Variants in OGFOD3 observed in about 807,000 individuals in gnomAD.
OGFOD3 encodes 2-oxoglutarate and iron-dependent oxygenase domain-containing protein 3.
In OGFOD3, 35 loss-of-function variants were observed where a neutral mutation model predicts 39.8. The observed-to-expected ratio is 0.88, with a 90% CI of 0.67 to 1.17. The LOEUF is 1.17. OGFOD3 is among the 50% of genes most tolerant of loss of function. OGFOD3 has a pLI of 0.00. For missense variants in OGFOD3, 438 were observed against 454.5 expected (o/e 0.96, Z 0.33); for synonymous variants, 200 against 192.0 (o/e 1.04, Z -0.34).
chr17:82,392,763 G>C lies in OGFOD3; in HGVS notation c.824-229C>G. 1 of 579,998 alleles carries C rather than the reference G, an allele frequency of 1.7e-6. No homozygotes were observed. The highest frequency in any genetic ancestry group is 3.0e-6 in the Non-Finnish European group (1 of 330,220). The allele number at this position is 579,998 out of a possible 1,614,324, so 35.9% of individuals were successfully genotyped here. A position where few individuals can be genotyped will look rare whatever the true frequency, so the allele number is the denominator to read the frequency against. On this transcript the variant is annotated intron_variant, in intron 8 of 8. Coordinates refer to ENST00000313056, the MANE Select transcript of OGFOD3 (RefSeq NM_024648.3). The surrounding 1 kb of genome is among the most constrained non-coding windows in gnomAD (Gnocchi z 4.2). ...GCGGAGGAGGGGCCCCCCGGGGCCA[G>C]CAGGGACTCTGTGGTGGGCAGGACA...
At chr17:82,401,634 T>C (rs1435453267) in intron 7 of OGFOD3, among the ~76,000 whole-genome samples, 1 of 150,144 alleles carries the variant, frequency 6.7e-6, no homozygotes, top group Non-Finnish European at 1.5e-5. Context: ...TGAAACCCCG[T>C]CTCTACTAAA....
Position 82,415,718 on chromosome 17 carries a change from G to C in OGFOD3, c.75-91C>G. 8.6e-7 allele frequency: 1 copy of C among 1,161,996 alleles called. No homozygotes were observed. Among genetic ancestry groups the C allele is most frequent in the Non-Finnish European group, 1.2e-6 (1 of 832,204 alleles). 72.0% of individuals were successfully genotyped at this position (1,161,996 alleles called of 1,614,324 possible). On this transcript the variant is annotated intron_variant, in intron 1 of 8. Coordinates refer to ENST00000313056, the MANE Select transcript of OGFOD3 (RefSeq NM_024648.3). This position sits in a 1 kb window ranked among gnomAD's most constrained non-coding sequence, Gnocchi z 5.3. ...CATCAAAGTGCATGCACCATGACCC[G>C]GCCTTCACTCACACGTCACCCCTGA...
At chr17:82,398,833 G>A (rs1030338509) in intron 7 of OGFOD3, among the ~76,000 whole-genome samples, 20 of 151,636 alleles carry the variant, frequency 1.3e-4, no homozygotes, top group Admixed American at 8.6e-4. Flanking sequence ...TCAGCATCCC[G>A]GGTAGCCAGG....
Position 82,406,012 on chromosome 17 carries a change from G to A in OGFOD3, c.488+406C>T, listed in dbSNP as rs1056532250. On this transcript the variant is annotated intron_variant, in intron 5 of 8. Transcript: ENST00000313056. This position sits in a 1 kb window ranked among gnomAD's most constrained non-coding sequence, Gnocchi z 5.2. ...GGAGCAAGACCCAGGGCTAATGCAT[G>A]AGGCTGACACGGATCCACGCAGGGA... Among the ~76,000 whole-genome samples the A allele has an allele frequency of 6.6e-6, 1 of 152,164 alleles. No homozygotes were observed. The highest frequency in any genetic ancestry group is 1.5e-5 in the Non-Finnish European group (1 of 68,016).
intron 8 of OGFOD3, among the ~76,000 whole-genome samples, chr17:82,395,453 C>T (rs7342899): frequency 1.0e-3 from 157 of 152,326 alleles, no homozygotes; most frequent in African/African-American, 3.6e-3. Flanking sequence ...GTCTTGGGAA[C>T]CCCCGAACAC....
At chr17:82,393,925 C>G (rs2052630600) in intron 8 of OGFOD3, 1 of 152,358 alleles carries the variant, frequency 6.6e-6, no homozygotes, top group Admixed American at 6.5e-5. Flanking sequence ...GGCAGGAAAC[C>G]ACCCACCATC....
intron 2 of OGFOD3, among the ~76,000 whole-genome samples, chr17:82,412,235 TGA>T (rs929130809): frequency 5.2e-4 from 79 of 151,984 alleles, no homozygotes; most frequent in African/African-American, 1.9e-3. Context: ...CTGCGGAGGC[TGA>T]GAGGGAAGAG....
chr17:82,394,146 C>A (rs563562446), intron 8 of OGFOD3, among the ~76,000 whole-genome samples: 2 of 151,994 alleles, frequency 1.3e-5, no homozygotes, highest in Admixed American at 6.6e-5. Context: ...CCCGCCACCA[C>A]GCCCAGCTAA....
At chr17:82,398,495 G>A (rs1195216115) in intron 7 of OGFOD3, among the ~76,000 whole-genome samples, 176 bp from the exon 8 acceptor site, 1 of 152,172 alleles carries the variant, frequency 6.6e-6, no homozygotes, top group Non-Finnish European at 1.5e-5. Context: ...CGCCTCCCAG[G>A]TTCAAGCAAT....
chr17:82,395,021 GT>G (rs1009716893), intron 8 of OGFOD3, among the ~76,000 whole-genome samples: 2 of 152,148 alleles, frequency 1.3e-5, no homozygotes, highest in African/African-American at 4.8e-5. Flanking sequence ...TTGCTGGATT[GT>G]TTTTTGTTTT....
At position 82,392,459 on chromosome 17, in the gene OGFOD3, G is replaced by A; in HGVS notation, c.899C>T (p.Ala300Val). 5 of 1,612,376 alleles carry A rather than the reference G, an allele frequency of 3.1e-6. No homozygotes were observed. Among genetic ancestry groups the A allele is most frequent in the South Asian group, 1.1e-5 (1 of 90,498 alleles). ...GTTGCAGCTGAAGGCGATGGTGATGGCGTAACGGGTGCCCCAGTGGACCTT... is the reference window on the plus strand; with the variant it reads ...GTTGCAGCTGAAGGCGATGGTGATGACGTAACGGGTGCCCCAGTGGACCTT... ...VEKVHWGTRYAITIAFSCNPD... is the reference protein window; with the variant it reads ...VEKVHWGTRYVITIAFSCNPD... The change falls in exon 9 of 9, where the codon GCC (alanine) becomes GTC (valine). Residue 300 changes from alanine (A) to valine (V), a missense_variant. Transcript: ENST00000313056. This position sits in a 1 kb window ranked among gnomAD's most constrained non-coding sequence, Gnocchi z 4.2.
chr17:82,395,570 C>T (rs945293355), intron 8 of OGFOD3, among the ~76,000 whole-genome samples: 5 of 152,240 alleles, frequency 3.3e-5, no homozygotes, highest in Non-Finnish European at 5.9e-5. Flanking sequence ...GCCTGTCATC[C>T]CAGCACTTTG....
chr17:82,417,937 G>A (rs187082387), intron 1 of OGFOD3, among the ~76,000 whole-genome samples: 63 of 152,304 alleles, frequency 4.1e-4, no homozygotes, highest in Admixed American at 2.8e-3. Context: ...ATGATCACCC[G>A]TAACATTTTA....
Position 82,390,645 on chromosome 17 carries a change from C to T in OGFOD3, c.*1753G>A, listed in dbSNP as rs549800961. ...CTGTGGACCCAGGGAGCCTATCCCA[C>T]GCCGTCCTCCGCATGTGGCCCGTGG... On this transcript the variant is annotated 3_prime_UTR_variant, in exon 9 of 9. Coordinates refer to ENST00000313056, the MANE Select transcript of OGFOD3 (RefSeq NM_024648.3). The surrounding 1 kb of genome is among the most constrained non-coding windows in gnomAD (Gnocchi z 4.9). The T allele has an allele frequency of 5.6e-5, 10 of 178,434 alleles. No individual in the cohort carries two copies. The highest frequency in any genetic ancestry group is 1.9e-4 in the Admixed American group (3 of 15,814). The allele number at this position is 178,434 out of a possible 1,614,324, so 11.1% of individuals were successfully genotyped here.
chr17:82,414,131 T>C (rs1400989600), intron 2 of OGFOD3, among the ~76,000 whole-genome samples: 1 of 152,042 alleles, frequency 6.6e-6, no homozygotes, highest in Non-Finnish European at 1.5e-5. Context: ...TCCAACTTTT[T>C]TCTTTTTTGG....
At chr17:82,418,204 C>T in intron 1 of OGFOD3, 1 of 416,726 alleles carries the variant, frequency 2.4e-6, no homozygotes, top group Non-Finnish European at 4.3e-6. Context: ...GGGCCTCTGC[C>T]GTCGGCTACC....
rs1198034549 is a variant in OGFOD3, at chr17:82,405,342, T to G, written c.527A>C (p.Glu176Ala). The change falls in exon 6 of 9, where the codon GAG becomes GCG. Residue 176 changes from glutamate (E) to alanine (A), a missense_variant. Transcript: ENST00000313056. ...TCCTTACCGGTATAACCGGAAGTCC[T>G]CCTCTGAGAAGATGTTCTGTATTTT... ...GDKIQNIFSE[E>A]DFRLYREVRQ... The G allele has an allele frequency of 5.0e-6, 8 of 1,613,812 alleles. No individual in the cohort carries two copies. Among genetic ancestry groups the G allele is most frequent in the Non-Finnish European group, 6.8e-6 (8 of 1,179,780 alleles).
intron 8 of OGFOD3, chr17:82,396,812 G>A (rs56204110): frequency 0.027 from 4,122 of 152,332 alleles, 81 homozygotes; most frequent in African/African-American, 0.036. Context: ...GAGGCTGGAC[G>A]TCCAAACCCT....
chr17:82,394,456 ACTCCAGCCTTCGCACCAGCAG>A, intron 8 of OGFOD3: 1 of 1,613,642 alleles, frequency 6.2e-7, no homozygotes, highest in Non-Finnish European at 8.5e-7. Context: ...AGGACACCTG[ACTCCAGCCTTCGCACCAGCAG>A]CTTCACTGGC....
Sources: allele counts gnomAD v4.1 joint callset (sites outside exome capture counted in the v4.1 genomes callset), GRCh38; gene constraint gnomAD v4.1.1; non-coding constraint Gnocchi (gnomAD v3.1); transcripts MANE v1.5; gene names NCBI Gene and HGNC (gene_info 2026-07-23, HGNC 2026-07-21).